PLSCR5: variants seen among roughly 807,000 people sequenced by gnomAD.
The protein encoded by PLSCR5 is phospholipid scramblase family member 5, also known as phospholipid scramblase family, member 5.
PLSCR5 carries 44 observed loss-of-function variants against 33.6 expected under a neutral mutation model. The ratio of observed to expected loss-of-function variants is 1.31; its 90% CI spans 1.03 to 1.69. The LOEUF (loss-of-function observed/expected upper bound fraction) is 1.69, where lower values mean the gene tolerates loss of function less well. Among genes scored for constraint, PLSCR5 ranks in the 40% most tolerant of loss-of-function variants. The probability of loss-of-function intolerance (pLI) is 0.00; values close to 1 mark genes in which losing one functional copy is unlikely to be tolerated. For synonymous variants in PLSCR5, 148 were observed against 112.3 expected (o/e 1.32, Z -2.01); for missense variants, 375 against 318.7 (o/e 1.18, Z -1.34).
At chr3:146,592,659 A>T (rs1422810209) in intron 4 of PLSCR5, among the ~76,000 whole-genome samples, 1 of 152,104 alleles carries the variant, frequency 6.6e-6, no homozygotes, top group African/African-American at 2.4e-5. Flanking sequence ...ATGTTCTTGG[A>T]TAGATAAAAG....
downstream of PLSCR5, among the ~76,000 whole-genome samples, chr3:146,584,757 A>C (rs1201254246): frequency 1.3e-5 from 2 of 152,152 alleles, no homozygotes; most frequent in Non-Finnish European, 2.9e-5. Context: ...CCTAGAACTA[A>C]ATTGATATTT....
chr3:146,586,184 A>G, intron 6 of PLSCR5, 72 bp from the exon 7 acceptor site: 3 of 1,332,458 alleles, frequency 2.3e-6, no homozygotes, highest in Non-Finnish European at 3.0e-6. Flanking sequence ...TTTGACATGC[A>G]AGCTTTGATT....
chr3:146,585,909 C>A lies in PLSCR5; in HGVS notation c.*78G>T. ...TTAACAAAAAAGCAAACATTCAAAC[C>A]ATTCAGAAATGAAATCCAGAGCCCA... On this transcript the variant is annotated 3_prime_UTR_variant, in exon 8 of 8. Coordinates refer to ENST00000443512, the MANE Select transcript of PLSCR5 (RefSeq NM_001085420.2). 9 of 633,708 alleles carry A rather than the reference C, an allele frequency of 1.4e-5. No homozygotes were observed. Among genetic ancestry groups the A allele is most frequent in the South Asian group, 2.7e-5 (1 of 36,914 alleles). The allele number at this position is 633,708 out of a possible 1,614,324, so 39.3% of individuals were successfully genotyped here.
At chr3:146,583,899 A>T (rs1560105143), downstream of PLSCR5, among the ~76,000 whole-genome samples, 1 of 152,162 alleles carries the variant, frequency 6.6e-6, no homozygotes, top group Non-Finnish European at 1.5e-5. Flanking sequence ...CATGGTGAAA[A>T]TCTCAGCTGT....
At chr3:146,602,871 G>T (rs973952878) in intron 1 of PLSCR5, among the ~76,000 whole-genome samples, 2 of 152,068 alleles carry the variant, frequency 1.3e-5, no homozygotes, top group Non-Finnish European at 2.9e-5. Flanking sequence ...GGAGCTCAGA[G>T]GATATTGTGT....
chr3:146,603,574 T>C (rs76565394), intron 1 of PLSCR5, among the ~76,000 whole-genome samples: 2 of 152,036 alleles, frequency 1.3e-5, no homozygotes, highest in African/African-American at 2.4e-5. Flanking sequence ...TATTTTGACA[T>C]AATATTACTT....
chr3:146,594,814 C>G (rs1459098960), intron 3 of PLSCR5, among the ~76,000 whole-genome samples: 1 of 152,040 alleles, frequency 6.6e-6, no homozygotes, highest in African/African-American at 2.4e-5. Flanking sequence ...ATTTGAATGG[C>G]AATATCACCA....
In PLSCR5 at chr3:146,600,478, A is replaced by T. The variant is rs2044803554; in HGVS notation, c.14-15T>A. The T allele has an allele frequency of 1.3e-6, 2 of 1,560,392 alleles. No homozygotes were observed. Among genetic ancestry groups the T allele is most frequent in the Non-Finnish European group, 1.7e-6 (2 of 1,150,468 alleles). On this transcript the variant is annotated splice_polypyrimidine_tract_variant and intron_variant, in intron 1 of 7. Coordinates refer to ENST00000443512, the MANE Select transcript of PLSCR5 (RefSeq NM_001085420.2). ...GTTCTGGGCATCTGCAAGAGAATGG[A>T]AATCCCAATCCATATTTAAATTTAG...
At chr3:146,588,018 A>T (rs975795646) in intron 6 of PLSCR5, among the ~76,000 whole-genome samples, 3 of 152,096 alleles carry the variant, frequency 2.0e-5, no homozygotes, top group Non-Finnish European at 4.4e-5. Flanking sequence ...AAACAATCAG[A>T]TTTAGCATTC....
At chr3:146,578,392 A>G (rs936598694) in intron 7 of PLSCR5, among the ~76,000 whole-genome samples, 3 of 152,168 alleles carry the variant, frequency 2.0e-5, no homozygotes, top group South Asian at 2.1e-4. Flanking sequence ...CTAAATAGAA[A>G]GAGTACATAA....
downstream of PLSCR5, among the ~76,000 whole-genome samples, chr3:146,582,921 G>C (rs1362521912): frequency 6.6e-6 from 1 of 151,962 alleles, no homozygotes; most frequent in Admixed American, 6.6e-5. Context: ...GAATGGTCCT[G>C]CCTAGACCAG....
At chr3:146,584,428 C>G (rs989253913), downstream of PLSCR5, among the ~76,000 whole-genome samples, 5 of 152,142 alleles carry the variant, frequency 3.3e-5, no homozygotes, top group Non-Finnish European at 5.9e-5. Flanking sequence ...TTGTTCCCTT[C>G]TATGACTGCA....
At chr3:146,587,676 G>A (rs2044676818) in intron 6 of PLSCR5, among the ~76,000 whole-genome samples, 1 of 151,940 alleles carries the variant, frequency 6.6e-6, no homozygotes, top group African/African-American at 2.4e-5. Context: ...CAGGCAAGGT[G>A]GACTAAGCTG....
At chr3:146,590,999 T>TG (rs1553809609) in intron 5 of PLSCR5, among the ~76,000 whole-genome samples, 5 of 149,394 alleles carry the variant, frequency 3.3e-5, no homozygotes, top group Non-Finnish European at 7.5e-5. Flanking sequence ...TTTTTTTTGT[T>TG]TTTTTTTTTT....
chr3:146,584,102 C>T (rs950156968), downstream of PLSCR5, among the ~76,000 whole-genome samples: 8 of 152,152 alleles, frequency 5.3e-5, no homozygotes, highest in Non-Finnish European at 7.4e-5. Context: ...GTTATCATTT[C>T]GTTACCCTAC....
intron 4 of PLSCR5, 88 bp downstream of exon 4, chr3:146,593,832 A>G: frequency 8.2e-7 from 1 of 1,220,150 alleles, no homozygotes; most frequent in Non-Finnish European, 1.2e-6. Context: ...TGGCAGGTTA[A>G]TTGCCTCATT....
chr3:146,597,640 C>T (rs1264379073), intron 2 of PLSCR5, among the ~76,000 whole-genome samples: 1 of 152,156 alleles, frequency 6.6e-6, no homozygotes, highest in Non-Finnish European at 1.5e-5. Flanking sequence ...TAGCCACTTA[C>T]AAACTATGGC....
chr3:146,597,429 C>T (rs922205956), intron 2 of PLSCR5, among the ~76,000 whole-genome samples: 1 of 152,080 alleles, frequency 6.6e-6, no homozygotes, highest in Admixed American at 6.6e-5. Context: ...TGTTTCTTTA[C>T]GGACATCACT....
At position 146,594,131 on chromosome 3, in the gene PLSCR5, C is replaced by A; in HGVS notation, c.242G>T (p.Gly81Val). Residue 81 changes from glycine (G) to valine (V), a missense_variant, in exon 4 of 8, where the codon GGT becomes GTT. By Grantham distance (109) the Gly-to-Val change is moderately radical. Transcript: ENST00000443512. ...QQVELLGMIL[G>V]TETSNKYEIK... ...CTCATATTTGTTGGAGGTCTCAGTA[C>A]CAAGTATCACTAATGGAACAAAAAA... The A allele has an allele frequency of 6.2e-7, 1 of 1,610,122 alleles. No homozygotes were observed. Among genetic ancestry groups the A allele is most frequent in the Non-Finnish European group, 8.5e-7 (1 of 1,177,758 alleles).
Sources: gnomAD v4.1 joint callset for allele counts (sites outside exome capture counted in the v4.1 genomes callset) on GRCh38, gnomAD v4.1.1 for gene constraint, MANE v1.5 for transcripts, NCBI Gene and HGNC (gene_info 2026-07-23, HGNC 2026-07-21) for gene names.